SYN3: variants seen among roughly 807,000 people sequenced by gnomAD.
SYN3 encodes the protein synapsin III.
In SYN3, 35 loss-of-function variants were observed where a neutral mutation model predicts 65.8. That is an observed-to-expected ratio of 0.53 (90% CI 0.41 to 0.70). SYN3 has a LOEUF of 0.70. SYN3 is among the 30% of genes least tolerant of loss of function. SYN3 has a pLI of 0.00. For missense variants in SYN3, 680 were observed against 749.0 expected (o/e 0.91, Z 1.08); for synonymous variants, 270 against 292.9 (o/e 0.92, Z 0.80).
At chr22:33,034,243 ACTTG>A (rs1004588733) in intron 1 of SYN3, among the ~76,000 whole-genome samples, 5 of 151,288 alleles carry the variant, frequency 3.3e-5, no homozygotes, top group African/African-American at 7.3e-5. Flanking sequence ...TGTATGTACT[ACTTG>A]CTTTCTTTCT....
At chr22:32,922,079 A>G (rs1259493406) in intron 4 of SYN3, among the ~76,000 whole-genome samples, 1 of 152,252 alleles carries the variant, frequency 6.6e-6, no homozygotes, top group Non-Finnish European at 1.5e-5. Flanking sequence ...GGTGCCATCA[A>G]TAGTGGTGAC....
chr22:33,043,094 T>G (rs968168023), intron 1 of SYN3, among the ~76,000 whole-genome samples: 1 of 152,244 alleles, frequency 6.6e-6, no homozygotes, highest in Non-Finnish European at 1.5e-5. Context: ...AAGTGTATTA[T>G]TGAAATAGTC....
chr22:33,016,228 G>GA (rs1430030259), intron 1 of SYN3, among the ~76,000 whole-genome samples: 2 of 152,142 alleles, frequency 1.3e-5, no homozygotes, highest in Non-Finnish European at 2.9e-5. Flanking sequence ...TACATTAACA[G>GA]CACATATTCA....
chr22:32,980,907 T>A (rs1601833927), intron 2 of SYN3, among the ~76,000 whole-genome samples: 1 of 151,552 alleles, frequency 6.6e-6, no homozygotes, highest in African/African-American at 2.4e-5. Context: ...TAGGCTAGAG[T>A]GCAATGGCCT....
intron 6 of SYN3, among the ~76,000 whole-genome samples, chr22:32,780,450 C>T (rs1463524203): frequency 6.6e-6 from 1 of 152,166 alleles, no homozygotes; most frequent in Non-Finnish European, 1.5e-5. Flanking sequence ...GTTTCCTTTT[C>T]GCATCTCTGC....
At chr22:32,988,555 T>C (rs975101160) in intron 2 of SYN3, among the ~76,000 whole-genome samples, 20 of 152,040 alleles carry the variant, frequency 1.3e-4, no homozygotes, top group African/African-American at 4.3e-4. Context: ...TAGCTAGCTC[T>C]TGGTCTCAGG....
intron 12 of SYN3, chr22:32,518,540 C>T (rs1411739735): frequency 1.4e-6 from 1 of 718,024 alleles, no homozygotes; most frequent in Non-Finnish European, 2.5e-6. Context: ...GTGGTCATCA[C>T]ATAGGATGTG....
chr22:32,665,276 G>T (rs1462916205), intron 6 of SYN3, among the ~76,000 whole-genome samples: 1 of 152,078 alleles, frequency 6.6e-6, no homozygotes, highest in Non-Finnish European at 1.5e-5. Flanking sequence ...AGGATTACAG[G>T]TGTGAGCCAC....
rs866438495 is a variant in SYN3, at chr22:32,677,673, C to A, written c.712-80937G>T. Among the ~76,000 whole-genome samples the A allele has an allele frequency of 1.6e-3, 239 of 151,898 alleles. 1 individual carries two copies. The highest frequency in any genetic ancestry group is 5.5e-3 in the African/African-American group (226 of 41,436). On this transcript the variant is annotated intron_variant, in intron 6 of 13. Transcript: ENST00000358763. ...AAAATTAGCCGGTCGTGGTGGCGGG[C>A]GCCTGTAGTCCCACCTACTCGGGAG...
rs149435133 is a variant in SYN3, at chr22:32,938,486, C to T, written c.370-7005G>A. On this transcript the variant is annotated intron_variant, in intron 3 of 13. Transcript: ENST00000358763. ...CAGAGCTTGCAGTGAGCAGCAATCG[C>T]GCCACTGCACTCCAGCCTGGGCAAC... 9.5e-3 allele frequency among the ~76,000 whole-genome samples: 1,415 copies of T among 148,952 alleles called. 22 individuals are homozygous for T. The highest frequency in any genetic ancestry group is 0.033 in the African/African-American group (1,325 of 40,250).
intron 6 of SYN3, among the ~76,000 whole-genome samples, chr22:32,615,750 C>T (rs553358879): frequency 6.6e-6 from 1 of 152,330 alleles, no homozygotes; most frequent in East Asian, 1.9e-4. Flanking sequence ...ACACAGGCCG[C>T]TTTTTCCCAC....
intron 6 of SYN3, among the ~76,000 whole-genome samples, chr22:32,816,557 T>C (rs1258183492): frequency 6.6e-6 from 1 of 152,146 alleles, no homozygotes; most frequent in Admixed American, 6.5e-5. Flanking sequence ...GCAGTTCAAA[T>C]GTCAGGGAAA....
At chr22:32,642,000 C>T (rs1281118340) in intron 6 of SYN3, among the ~76,000 whole-genome samples, 1 of 151,818 alleles carries the variant, frequency 6.6e-6, no homozygotes, top group Non-Finnish European at 1.5e-5. Context: ...GTTAAGTTTC[C>T]GGTTAAGGCC....
Position 32,510,025 on chromosome 22 carries a change from A to G in SYN3, c.*3667T>C, listed in dbSNP as rs1390928827. 6.6e-6 allele frequency among the ~76,000 whole-genome samples: 1 copy of G among 152,286 alleles called. No homozygotes were observed. Among genetic ancestry groups the G allele is most frequent in the South Asian group, 2.1e-4 (1 of 4,818 alleles). On this transcript the variant is annotated 3_prime_UTR_variant, in exon 14 of 14. Transcript: ENST00000358763. ...GTACACAGATACTGGAGTATCTGGGAGATATCCTTTGGATGCTGAGGTGTG... is the reference window on the plus strand; with the variant it reads ...GTACACAGATACTGGAGTATCTGGGGGATATCCTTTGGATGCTGAGGTGTG...
chr22:32,788,928 G>A (rs1028412389), intron 6 of SYN3, among the ~76,000 whole-genome samples: 1 of 152,050 alleles, frequency 6.6e-6, no homozygotes, highest in Admixed American at 6.6e-5. Context: ...GGAACAACTC[G>A]GGACACCTCT....
At chr22:32,871,943 CTA>C (rs2048860349) in intron 4 of SYN3, among the ~76,000 whole-genome samples, 1 of 151,984 alleles carries the variant, frequency 6.6e-6, no homozygotes. Flanking sequence ...TCCTCATTTT[CTA>C]TCTTTCTCGC....
chr22:32,774,524 T>A (rs902685385), intron 6 of SYN3, among the ~76,000 whole-genome samples: 24 of 152,042 alleles, frequency 1.6e-4, no homozygotes, highest in African/African-American at 5.6e-4. Context: ...AGGGTGCTGT[T>A]GGAACACCAC....
intron 6 of SYN3, among the ~76,000 whole-genome samples, chr22:32,791,122 T>C (rs1447336388): frequency 1.3e-5 from 2 of 152,200 alleles, no homozygotes; most frequent in Admixed American, 1.3e-4. Flanking sequence ...AAAATGGGCA[T>C]GATCATAACA....
chr22:32,637,630 CTTTTTTTTTTTTTTTT>C (rs1185407986), intron 6 of SYN3, among the ~76,000 whole-genome samples: 5 of 93,568 alleles, frequency 5.3e-5, no homozygotes, highest in South Asian at 4.8e-4. Flanking sequence ...TTTTCTTTTT[CTTTTTTTTTTTTTTTT>C]TTTTTTTTTG....
Sources: gnomAD v4.1 joint callset for allele counts (sites outside exome capture counted in the v4.1 genomes callset) on GRCh38, gnomAD v4.1.1 for gene constraint, MANE v1.5 for transcripts, NCBI Gene and HGNC (gene_info 2026-07-23, HGNC 2026-07-21) for gene names.